FOXI2: variants seen among roughly 807,000 people sequenced by gnomAD.
FOXI2 encodes forkhead box protein I2.
FOXI2 carries 17 observed loss-of-function variants against 14.3 expected under a neutral mutation model. The observed-to-expected ratio is 1.19, with a 90% CI of 0.81 to 1.78. The LOEUF (loss-of-function observed/expected upper bound fraction) is 1.78, where lower values mean the gene tolerates loss of function less well. Ranked by LOEUF, FOXI2 falls within the 40% of genes most tolerant of loss-of-function variation. FOXI2 has a pLI of 0.00. For synonymous variants in FOXI2, 240 were observed against 218.8 expected (o/e 1.10, Z -0.85); for missense variants, 541 against 460.0 (o/e 1.18, Z -1.61).
Position 127,737,531 on chromosome 10 carries a change from C to G in FOXI2, c.258C>G (p.Leu86=), listed in dbSNP as rs573556148. The change falls in exon 1 of 2, where the codon CTC becomes CTG. Residue 86 remains leucine, a synonymous_variant. Transcript: ENST00000388920. ...GAPGGLAGAD[L]AWLSLSGQQE... Reference sequence around the variant, plus strand: ...CGGGCGGCCTGGCGGGCGCCGACCTCGCCTGGCTGAGCCTCTCCGGCCAGC... The same window carrying G: ...CGGGCGGCCTGGCGGGCGCCGACCTGGCCTGGCTGAGCCTCTCCGGCCAGC... The G allele has an allele frequency of 1.4e-6, 2 of 1,471,918 alleles. No homozygotes were observed. Among genetic ancestry groups the G allele is most frequent in the Non-Finnish European group, 1.8e-6 (2 of 1,114,610 alleles). 91.2% of individuals were successfully genotyped at this position (1,471,918 alleles called of 1,614,324 possible).
In FOXI2 at chr10:127,739,797, T is replaced by TCACACTCACACTCACACCCACACC. The variant is rs1412074171; in HGVS notation, c.*837_*838insTCACACTCACACCCACACCCACAC. On this transcript the variant is annotated 3_prime_UTR_variant, in exon 2 of 2. Coordinates refer to ENST00000388920, the MANE Select transcript of FOXI2 (RefSeq NM_207426.3). ...CCCACACCCACACTCACACCCACAC[T>TCACACTCACACTCACACCCACACC]CACACCCACACTCACACCCACACCC... The TCACACTCACACTCACACCCACACC allele has an allele frequency of 2.9e-5, 3 of 103,030 alleles. No homozygotes were observed. The highest frequency in any genetic ancestry group is 9.6e-5 in the Admixed American group (1 of 10,394). The allele number at this position is 103,030 out of a possible 1,614,324, so 6.4% of individuals were successfully genotyped here.
chr10:127,737,844 G>A, intron 1 of FOXI2, 60 bp downstream of exon 1: 2 of 1,564,154 alleles, frequency 1.3e-6, no homozygotes, highest in Non-Finnish European at 1.7e-6. Flanking sequence ...CCGGGCCGCG[G>A]GCACTCCGGG....
In FOXI2 at chr10:127,737,423, C is replaced by T; in HGVS notation, c.150C>T (p.Pro50=). The T allele has an allele frequency of 7.3e-7, 1 of 1,374,392 alleles. No individual in the cohort carries two copies. The highest frequency in any genetic ancestry group is 9.3e-7 in the Non-Finnish European group (1 of 1,076,400). 85.1% of individuals were successfully genotyped at this position (1,374,392 alleles called of 1,614,324 possible). ...LLWVNAPALS[P]KSYASGPGPA... is the part of the protein sequence containing the mutation. ...GGGTGAACGCGCCAGCGCTCAGCCC[C>T]AAGTCCTACGCTTCGGGTCCCGGGC... Residue 50 remains proline (P), a synonymous_variant, in exon 1 of 2, where the codon CCC becomes CCT. Coordinates refer to ENST00000388920, the MANE Select transcript of FOXI2 (RefSeq NM_207426.3).
chr10:127,738,061 T>C (rs961341925), intron 1 of FOXI2, among the ~76,000 whole-genome samples: 4 of 152,164 alleles, frequency 2.6e-5, no homozygotes, highest in Non-Finnish European at 1.5e-5. Flanking sequence ...GCCAGCAAGC[T>C]GGGTGACCTT....
chr10:127,738,558 A>G lies in FOXI2; in HGVS notation c.550A>G (p.Lys184Glu). Residue 184 changes from lysine (K) to glutamate (E), a missense_variant, in exon 2 of 2, where the codon AAG becomes GAG. Transcript: ENST00000388920. ...CTGGACCCTGGACCCCAACTGCGAG[A>G]AGATGTTTGACAACGGGAACTTCCG... ...NYWTLDPNCE[K>E]MFDNGNFRRK... The G allele has an allele frequency of 3.1e-6, 5 of 1,613,246 alleles. No homozygotes were observed. The highest frequency in any genetic ancestry group is 4.2e-6 in the Non-Finnish European group (5 of 1,179,580).
At position 127,737,342 on chromosome 10, in the gene FOXI2, C is replaced by T. The variant is rs551514888; in HGVS notation, c.69C>T (p.His23=). The T allele has an allele frequency of 1.4e-6, 2 of 1,429,592 alleles. No individual in the cohort carries two copies. Among genetic ancestry groups the T allele is most frequent in the Non-Finnish European group, 1.8e-6 (2 of 1,106,296 alleles). 88.6% of individuals were successfully genotyped at this position (1,429,592 alleles called of 1,614,324 possible). A position where few individuals can be genotyped will look rare whatever the true frequency, so the allele number is the denominator to read the frequency against. Residue 23 remains histidine (H), a synonymous_variant, in exon 1 of 2, where the codon CAC becomes CAT. Transcript: ENST00000388920. ...APPGQAQATA[H]PPGYEPGDLG... ...CCGGCCAGGCCCAGGCCACCGCGCA[C>T]CCCCCGGGCTATGAGCCAGGGGATC...
rs1846496239 is a variant in FOXI2, at chr10:127,740,050, ACACT to A, written c.*1089_*1092del. 1 of 121,034 alleles carries A rather than the reference ACACT, an allele frequency of 8.3e-6. No individual in the cohort carries two copies. Among genetic ancestry groups the A allele is most frequent in the Non-Finnish European group, 1.7e-5 (1 of 59,166 alleles). The allele number at this position is 121,034 out of a possible 1,614,324, so 7.5% of individuals were successfully genotyped here. ...CACACCCACACTCACACTGACACCC[ACACT>A]CACACCCACACTCATACTCACACTC... On this transcript the variant is annotated 3_prime_UTR_variant, in exon 2 of 2. Coordinates refer to ENST00000388920, the MANE Select transcript of FOXI2 (RefSeq NM_207426.3).
At position 127,738,706 on chromosome 10, in the gene FOXI2, C is replaced by T; in HGVS notation, c.698C>T (p.Ser233Leu). ...GCGGCTTGCCTGGACCTGCAGGCCT[C>T]GCCCTCTCCATCCGCACCCGAGGCC... ...PSAACLDLQA[S>L]PSPSAPEAAT... Residue 233 changes from serine to leucine, a missense_variant, in exon 2 of 2, where the codon TCG becomes TTG. Coordinates refer to ENST00000388920, the MANE Select transcript of FOXI2 (RefSeq NM_207426.3). 6.3e-7 allele frequency: 1 copy of T among 1,597,516 alleles called. No individual in the cohort carries two copies. Among genetic ancestry groups the T allele is most frequent in the Non-Finnish European group, 8.5e-7 (1 of 1,172,618 alleles).
In FOXI2 at chr10:127,737,491, C is replaced by G. The variant is rs866944235; in HGVS notation, c.218C>G (p.Pro73Arg). Residue 73 changes from proline (P) to arginine (R), a missense_variant, in exon 1 of 2, where the codon CCG becomes CGG. Transcript: ENST00000388920. ...YAAPSYGAPG[P>R]LLGAPGGLAG... Reference sequence around the variant, plus strand: ...GCCCCGAGCTACGGGGCTCCCGGCCCGCTCCTCGGCGCCCCGGGCGGCCTG... The same window carrying G: ...GCCCCGAGCTACGGGGCTCCCGGCCGGCTCCTCGGCGCCCCGGGCGGCCTG... 2.0e-5 allele frequency: 28 copies of G among 1,396,454 alleles called. 1 individual carries two copies. The highest frequency in any genetic ancestry group is 2.6e-4 in the Middle Eastern group (1 of 3,868). 86.5% of individuals were successfully genotyped at this position (1,396,454 alleles called of 1,614,324 possible). A position where few individuals can be genotyped will look rare whatever the true frequency, so the allele number is the denominator to read the frequency against.
chr10:127,738,674 C>G lies in FOXI2; in HGVS notation c.666C>G (p.Pro222=). The change falls in exon 2 of 2, where the codon CCC becomes CCG. Residue 222 remains proline, a synonymous_variant. Transcript: ENST00000388920. ...GGGCCGAGGCGCCAGCGCTGGAGCCCCCGAGCGCGGCTTGCCTGGACCTGC... is the reference window on the plus strand; with the variant it reads ...GGGCCGAGGCGCCAGCGCTGGAGCCGCCGAGCGCGGCTTGCCTGGACCTGC... ...VGGAEAPALE[P]PSAACLDLQA... 1 of 1,595,696 alleles carries G rather than the reference C, an allele frequency of 6.3e-7. No homozygotes were observed.
At chr10:127,737,817 G>A (rs755894829) in intron 1 of FOXI2, 33 bp downstream of exon 1, 2 of 1,588,666 alleles carry the variant, frequency 1.3e-6, no homozygotes, top group African/African-American at 2.7e-5. Context: ...CTCCGTCCAG[G>A]ACTCCCCATC....
In FOXI2 at chr10:127,738,814, A is replaced by G; in HGVS notation, c.806A>G (p.Asp269Gly). ...LGTFPGGLAG[D>G]FSFGRRPPTV... is the part of the protein sequence containing the mutation. ...ACCTTCCCCGGGGGCCTGGCGGGCG[A>G]CTTTTCTTTCGGGAGGCGGCCACCG... The change falls in exon 2 of 2, where the codon GAC becomes GGC. Residue 269 changes from aspartate to glycine, a missense_variant. By Grantham distance (94) the Asp-to-Gly change is moderately conservative (BLOSUM62 -1). Coordinates refer to ENST00000388920, the MANE Select transcript of FOXI2 (RefSeq NM_207426.3). 11 of 1,606,186 alleles carry G rather than the reference A, an allele frequency of 6.8e-6. No homozygotes were observed. The highest frequency in any genetic ancestry group is 1.3e-5 in the African/African-American group (1 of 74,882).
chr10:127,737,629 C>A lies in FOXI2; in HGVS notation c.356C>A (p.Pro119Gln). 1.3e-6 allele frequency: 2 copies of A among 1,567,868 alleles called. No homozygotes were observed. Among genetic ancestry groups the A allele is most frequent in the Non-Finnish European group, 1.7e-6 (2 of 1,156,998 alleles). ...ALIAMAIQSAPLRKLTLSQIY... is the reference protein window; with the variant it reads ...ALIAMAIQSAQLRKLTLSQIY... The stretch of plus-strand genomic sequence containing the variant: ...ATCGCCATGGCCATCCAGAGCGCGC[C>A]GCTGCGGAAGCTGACGCTCAGCCAG... Residue 119 changes from proline (P) to glutamine (Q), a missense_variant, in exon 1 of 2, where the codon CCG becomes CAG. Coordinates refer to ENST00000388920, the MANE Select transcript of FOXI2 (RefSeq NM_207426.3).
In FOXI2 at chr10:127,738,985, C is replaced by T. The variant is rs373131983; in HGVS notation, c.*20C>T. ...GTTTGAAGGGAGGCTGGAGGCTAGC[C>T]GGGTGCGGGTCCAGAGGTGCTGAGC... is the stretch of plus-strand genomic sequence containing the variant. On this transcript the variant is annotated 3_prime_UTR_variant, in exon 2 of 2. Coordinates refer to ENST00000388920, the MANE Select transcript of FOXI2 (RefSeq NM_207426.3). 8 of 1,589,080 alleles carry T rather than the reference C, an allele frequency of 5.0e-6. No homozygotes were observed. The African/African-American group carries it at 8.0e-5, about 16-fold the overall frequency.
In FOXI2 at chr10:127,740,117, A is replaced by C. The variant is rs1373323985; in HGVS notation, c.*1152A>C. ...ACACTCACACCCACACTCACACCAC[A>C]CTCACACCCACACACACCCACACTC... On this transcript the variant is annotated 3_prime_UTR_variant, in exon 2 of 2. Transcript: ENST00000388920. 4.5e-5 allele frequency: 2 copies of C among 44,166 alleles called. No individual in the cohort carries two copies. Among genetic ancestry groups the C allele is most frequent in the Non-Finnish European group, 9.5e-5 (2 of 20,988 alleles). 2.7% of individuals were successfully genotyped at this position (44,166 alleles called of 1,614,324 possible).
Position 127,738,526 on chromosome 10 carries a change from G to T in FOXI2, c.518G>T (p.Gly173Val). 6.2e-7 allele frequency: 1 copy of T among 1,610,818 alleles called. No individual in the cohort carries two copies. The highest frequency in any genetic ancestry group is 8.5e-7 in the Non-Finnish European group (1 of 1,178,344). Reference sequence around the variant, plus strand: ...GCTGTTTCTTCTTCTGCAGGTAAAGGCAATTACTGGACCCTGGACCCCAAC... The same window carrying T: ...GCTGTTTCTTCTTCTGCAGGTAAAGTCAATTACTGGACCCTGGACCCCAAC... ...VPRDEDDPGKGNYWTLDPNCE... is the reference protein window; with the variant it reads ...VPRDEDDPGKVNYWTLDPNCE... Residue 173 changes from glycine to valine, a missense_variant, in exon 2 of 2, where the codon GGC becomes GTC. Physicochemically the swap from Gly to Val is moderately radical, Grantham distance 109 (BLOSUM62 -3). Transcript: ENST00000388920.
chr10:127,739,785 TCA>T lies in FOXI2; in HGVS notation c.*824_*825del. On this transcript the variant is annotated 3_prime_UTR_variant, in exon 2 of 2. Coordinates refer to ENST00000388920, the MANE Select transcript of FOXI2 (RefSeq NM_207426.3). ...AGGTTTGTGCCACCCACACCCACACTCACACCCACACTCACACCCACACTCAC... is the reference window on the plus strand; with the variant it reads ...AGGTTTGTGCCACCCACACCCACACTCACCCACACTCACACCCACACTCAC... 7.9e-6 allele frequency: 1 copy of T among 127,330 alleles called. No individual in the cohort carries two copies. Among genetic ancestry groups the T allele is most frequent in the Middle Eastern group, 4.9e-3 (1 of 206 alleles). The allele number at this position is 127,330 out of a possible 1,614,324, so 7.9% of individuals were successfully genotyped here. A position where few individuals can be genotyped will look rare whatever the true frequency, so the allele number is the denominator to read the frequency against.
rs1398874311 is a variant in FOXI2, at chr10:127,739,849, A to C, written c.*884A>C. The C allele has an allele frequency of 8.6e-5, 9 of 105,164 alleles. No homozygotes were observed. The highest frequency in any genetic ancestry group is 4.0e-4 in the Admixed American group (4 of 9,960). The allele number at this position is 105,164 out of a possible 1,614,324, so 6.5% of individuals were successfully genotyped here. Reference sequence around the variant, plus strand: ...CACCCACACCCACACTCACACTCACACTCACACCCACACTCACACCCACAC... The same window carrying C: ...CACCCACACCCACACTCACACTCACCCTCACACCCACACTCACACCCACAC... On this transcript the variant is annotated 3_prime_UTR_variant, in exon 2 of 2. Transcript: ENST00000388920.
chr10:127,737,906 CG>C, intron 1 of FOXI2, 122 bp downstream of exon 1: 1 of 1,436,162 alleles, frequency 7.0e-7, no homozygotes, highest in Non-Finnish European at 9.3e-7. Context: ...TGGGGATACC[CG>C]GGGAGGAGGG....
Sources: gnomAD v4.1 joint callset for allele counts (sites outside exome capture counted in the v4.1 genomes callset) on GRCh38, gnomAD v4.1.1 for gene constraint, MANE v1.5 for transcripts, NCBI Gene and HGNC (gene_info 2026-07-23, HGNC 2026-07-21) for gene names.